Variants in ASB5 observed in about 807,000 individuals in gnomAD.
ASB5 encodes the protein ankyrin repeat and SOCS box containing 5, also known as ankyrin repeat and SOCS box protein 5.
A neutral mutation model predicts 42.1 loss-of-function variants in ASB5; 45 were observed. The observed-to-expected ratio is 1.07, with a 90% CI of 0.84 to 1.37. The LOEUF is 1.37. ASB5 is among the 40% of genes most tolerant of loss of function. ASB5 has a pLI of 0.00. For missense variants in ASB5, 402 were observed against 399.8 expected (o/e 1.01, Z -0.05); for synonymous variants, 147 against 150.6 (o/e 0.98, Z 0.18).
At chr4:176,233,207 A>T (rs1354431129) in intron 1 of ASB5, among the ~76,000 whole-genome samples, 1 of 152,222 alleles carries the variant, frequency 6.6e-6, no homozygotes, top group Non-Finnish European at 1.5e-5. Context: ...TCTTCTAAAC[A>T]GAAGGAAGGA....
At chr4:176,241,191 CA>C (rs1365366906) in intron 1 of ASB5, among the ~76,000 whole-genome samples, 4 of 152,070 alleles carry the variant, frequency 2.6e-5, no homozygotes, top group Non-Finnish European at 4.4e-5. Flanking sequence ...TTAACAAACA[CA>C]GGTTGATAAT....
At chr4:176,257,052 G>T (rs780970326) in intron 1 of ASB5, among the ~76,000 whole-genome samples, 47 of 152,308 alleles carry the variant, frequency 3.1e-4, no homozygotes, top group Non-Finnish European at 6.3e-4. Context: ...ATTAGATTTT[G>T]TCTTTCACTA....
At chr4:176,247,100 TA>T (rs1227522086) in intron 1 of ASB5, among the ~76,000 whole-genome samples, 1 of 152,098 alleles carries the variant, frequency 6.6e-6, no homozygotes, top group Non-Finnish European at 1.5e-5. Flanking sequence ...TATGGTAGCA[TA>T]AAACAATTTG....
rs1753761405 is a variant in ASB5, at chr4:176,239,277, T to C, written c.197-13936A>G. 2.0e-5 allele frequency among the ~76,000 whole-genome samples: 3 copies of C among 152,228 alleles called. No homozygotes were observed. In the South Asian group the frequency reaches 6.2e-4, roughly 32 times the overall value. ...CAAACCATACAGTAAAAGTAAATTT[T>C]AATTTTTGTTTAAAATTAAATTAAT... On this transcript the variant is annotated intron_variant, in intron 1 of 6. Transcript: ENST00000296525.
At chr4:176,271,731 G>A (rs958668898), upstream of ASB5, among the ~76,000 whole-genome samples, 6 of 152,046 alleles carry the variant, frequency 3.9e-5, no homozygotes, top group East Asian at 1.2e-3. Context: ...TCATCTTAGG[G>A]GGGTGAATAT....
At chr4:176,250,898 AT>A (rs1754019402) in intron 1 of ASB5, among the ~76,000 whole-genome samples, 1 of 152,240 alleles carries the variant, frequency 6.6e-6, no homozygotes, top group South Asian at 2.1e-4. Context: ...TACCATTCTT[AT>A]AAAATGACAC....
At chr4:176,256,704 C>T (rs939699496) in intron 1 of ASB5, among the ~76,000 whole-genome samples, 7 of 151,996 alleles carry the variant, frequency 4.6e-5, no homozygotes, top group Admixed American at 2.6e-4. Flanking sequence ...TTAGGGAGGC[C>T]GAAGCAGGTG....
At chr4:176,273,141 T>C (rs1322071854), upstream of ASB5, among the ~76,000 whole-genome samples, 1 of 152,050 alleles carries the variant, frequency 6.6e-6, no homozygotes, top group East Asian at 1.9e-4. Flanking sequence ...GGTAGACATC[T>C]AAAGGCTCTA....
chr4:176,231,469 AT>A (rs1753541780), intron 1 of ASB5, among the ~76,000 whole-genome samples: 8 of 151,946 alleles, frequency 5.3e-5, no homozygotes, highest in Non-Finnish European at 8.8e-5. Flanking sequence ...CTGAATTGAA[AT>A]AAAAGCACTA....
intron 1 of ASB5, among the ~76,000 whole-genome samples, chr4:176,242,452 G>A (rs961587287): frequency 6.6e-6 from 1 of 152,134 alleles, no homozygotes; most frequent in Admixed American, 6.5e-5. Context: ...AACTATTTAA[G>A]TTCTCTCTTC....
chr4:176,272,175 AAAC>A (rs979234883), upstream of ASB5, among the ~76,000 whole-genome samples: 2 of 152,230 alleles, frequency 1.3e-5, no homozygotes, highest in African/African-American at 4.8e-5. Context: ...GTTTCCACTA[AAAC>A]AACAGAAAGT....
At chr4:176,263,197 C>T (rs1754296340) in intron 1 of ASB5, among the ~76,000 whole-genome samples, 1 of 152,150 alleles carries the variant, frequency 6.6e-6, no homozygotes, top group African/African-American at 2.4e-5. Flanking sequence ...CACATGCTGG[C>T]TCCCCTTCCC....
At chr4:176,258,181 G>C (rs1242721137) in intron 1 of ASB5, among the ~76,000 whole-genome samples, 1 of 152,114 alleles carries the variant, frequency 6.6e-6, no homozygotes, top group African/African-American at 2.4e-5. Flanking sequence ...AGACACTGTG[G>C]CAAGTGATTA....
rs925452480 is a variant in ASB5, at chr4:176,223,078, A to C, written c.277-658T>G. 2.0e-5 allele frequency among the ~76,000 whole-genome samples: 3 copies of C among 152,134 alleles called. No individual in the cohort carries two copies. In the South Asian group the frequency reaches 6.2e-4, roughly 32 times the overall value. On this transcript the variant is annotated intron_variant, in intron 2 of 6. Coordinates refer to ENST00000296525, the MANE Select transcript of ASB5 (RefSeq NM_080874.4). ...CAGGTGTGAGCCACCGCGCCCGGCC[A>C]ACTTGTTTTGATTGAGGCTATAAAA...
In ASB5 at chr4:176,261,035, A is replaced by C. The variant is rs534867963; in HGVS notation, c.196+7878T>G. Among the ~76,000 whole-genome samples the C allele has an allele frequency of 8.9e-4, 136 of 152,260 alleles. 1 individual carries two copies. Among genetic ancestry groups the C allele is most frequent in the African/African-American group, 3.1e-3 (128 of 41,556 alleles). On this transcript the variant is annotated intron_variant, in intron 1 of 6. Transcript: ENST00000296525. ...TGCTTTCTGTCTTTTTAATTTTTAA[A>C]AATTATTTGAGGGTGGCTTTGGAGG...
At chr4:176,229,594 C>T (rs35403109) in intron 1 of ASB5, among the ~76,000 whole-genome samples, 24,358 of 151,964 alleles carry the variant, frequency 0.16, 2,593 homozygotes, top group Middle Eastern at 0.29. Flanking sequence ...CCCCCTGTTT[C>T]CCCCCAGGCT....
chr4:176,268,177 T>C (rs1754394633), intron 1 of ASB5, among the ~76,000 whole-genome samples: 1 of 152,178 alleles, frequency 6.6e-6, no homozygotes, highest in African/African-American at 2.4e-5. Context: ...ACCGACCCAA[T>C]AGAACCTAAA....
At chr4:176,264,966 C>G (rs1754328178) in intron 1 of ASB5, among the ~76,000 whole-genome samples, 1 of 152,040 alleles carries the variant, frequency 6.6e-6, no homozygotes, top group South Asian at 2.1e-4. Flanking sequence ...AGGTCCTCAT[C>G]TCCTCATGGC....
intron 1 of ASB5, among the ~76,000 whole-genome samples, chr4:176,259,472 G>C (rs1754216590): frequency 6.6e-6 from 1 of 152,198 alleles, no homozygotes; most frequent in African/African-American, 2.4e-5. Flanking sequence ...TGCTACTGAG[G>C]GGTTGAGTCA....
Sources: gnomAD v4.1 joint callset for allele counts (sites outside exome capture counted in the v4.1 genomes callset) on GRCh38, gnomAD v4.1.1 for gene constraint, MANE v1.5 for transcripts, NCBI Gene and HGNC (gene_info 2026-07-23, HGNC 2026-07-21) for gene names.